PAWR: variants seen among roughly 807,000 people sequenced by gnomAD.
PAWR encodes the protein PRKC apoptosis WT1 regulator protein.
PAWR carries 23 observed loss-of-function variants against 32.0 expected under a neutral mutation model. That is an observed-to-expected ratio of 0.72 (90% CI 0.52 to 1.02). The LOEUF (loss-of-function observed/expected upper bound fraction) is 1.02, where lower values mean the gene tolerates loss of function less well. Ranked by LOEUF, PAWR falls within the 50% of genes least tolerant of loss-of-function variation. PAWR has a pLI of 0.00. For synonymous variants in PAWR, 226 were observed against 187.1 expected, an observed-to-expected ratio of 1.21 and a Z score of -1.70; for missense variants, 457 against 437.7, an observed-to-expected ratio of 1.04 and a Z score of -0.39.
intron 4 of PAWR, among the ~76,000 whole-genome samples, chr12:79,612,788 A>G (rs1451457578): frequency 6.6e-6 from 1 of 152,168 alleles, no homozygotes; most frequent in Admixed American, 6.5e-5. Context: ...AACAGGGAAG[A>G]AGGAAGTGAA....
At chr12:79,613,505 C>T (rs1874532457) in intron 4 of PAWR, 70 bp downstream of exon 4, 2 of 765,268 alleles carry the variant, frequency 2.6e-6, no homozygotes, top group Non-Finnish European at 2.2e-6. Flanking sequence ...TTAAATAGTT[C>T]TAGTTAAGTC....
chr12:79,670,872 T>C (rs1487375784), intron 2 of PAWR, among the ~76,000 whole-genome samples: 44 of 150,640 alleles, frequency 2.9e-4, no homozygotes, highest in Non-Finnish European at 3.0e-5. Flanking sequence ...ACTTTTTTTT[T>C]AGGGGTTTTT....
chr12:79,658,391 T>G (rs151069723), intron 2 of PAWR, among the ~76,000 whole-genome samples: 1 of 152,292 alleles, frequency 6.6e-6, no homozygotes, highest in African/African-American at 2.4e-5. Flanking sequence ...ACTAAATACT[T>G]GAAATTCTTC....
At chr12:79,644,481 G>A (rs1876477672) in intron 2 of PAWR, among the ~76,000 whole-genome samples, 1 of 152,060 alleles carries the variant, frequency 6.6e-6, no homozygotes, top group African/African-American at 2.4e-5. Flanking sequence ...GATTTAAATA[G>A]GACACTAGAA....
intron 2 of PAWR, among the ~76,000 whole-genome samples, chr12:79,647,789 T>C (rs1050578366): frequency 8.5e-5 from 13 of 152,222 alleles, no homozygotes; most frequent in African/African-American, 3.1e-4. Flanking sequence ...AAAAATCCCT[T>C]TGATAACCAA....
chr12:79,652,758 C>A (rs1310240164), intron 2 of PAWR, among the ~76,000 whole-genome samples: 1 of 152,122 alleles, frequency 6.6e-6, no homozygotes, highest in African/African-American at 2.4e-5. Flanking sequence ...GGGAGTGAAA[C>A]CTGGCTTATA....
chr12:79,669,314 C>G (rs1877768425), intron 2 of PAWR, among the ~76,000 whole-genome samples: 1 of 152,074 alleles, frequency 6.6e-6, no homozygotes, highest in Admixed American at 6.5e-5. Context: ...CAGAACTTTC[C>G]CTGCATGGAG....
rs777271598 is a variant in PAWR, at chr12:79,621,139, T to C, written c.585A>G (p.Gln195=). 5 of 1,609,110 alleles carry C rather than the reference T, an allele frequency of 3.1e-6. No individual in the cohort carries two copies. Among genetic ancestry groups the C allele is most frequent in the Admixed American group, 1.7e-5 (1 of 59,988 alleles). The change falls in exon 3 of 7, where the codon CAA becomes CAG. Residue 195 remains glutamine, a synonymous_variant. Transcript: ENST00000328827. The part of the protein sequence containing the change: ...KERKREDAIT[Q]QNTIQNEAVN... ...CAGCTTCATTCTGAATAGTGTTCTG[T>C]TGTGTAATTGCATCTTCTCGTTTCC... is the stretch of plus-strand genomic sequence containing the variant.
At position 79,660,889 on chromosome 12, in the gene PAWR, AT is replaced by A. The variant is rs796638608; in HGVS notation, c.516+28839del. Among the ~76,000 whole-genome samples the A allele has an allele frequency of 2.4e-3, 362 of 150,818 alleles. 2 individuals carry two copies. Among genetic ancestry groups the A allele is most frequent in the African/African-American group, 7.9e-3 (326 of 41,134 alleles). On this transcript the variant is annotated intron_variant, in intron 2 of 6. Coordinates refer to ENST00000328827, the MANE Select transcript of PAWR (RefSeq NM_002583.4). ...GAGAGCCATTGCGGCCAGCCACTGT[AT>A]TTTTTTTTAAAGTATATAATTATAT...
intron 2 of PAWR, among the ~76,000 whole-genome samples, chr12:79,664,217 G>A (rs776577590): frequency 1.1e-4 from 17 of 152,060 alleles, no homozygotes; most frequent in Admixed American, 2.6e-4. Flanking sequence ...GGTTGAGACT[G>A]CAACTAGACC....
intron 2 of PAWR, among the ~76,000 whole-genome samples, chr12:79,631,328 G>A (rs751721017): frequency 8.6e-5 from 13 of 151,924 alleles, no homozygotes; most frequent in African/African-American, 1.7e-4. Context: ...AGGACAATAA[G>A]GTAAGCATAA....
chr12:79,677,362 T>C (rs2136870499), intron 2 of PAWR, among the ~76,000 whole-genome samples: 1 of 152,284 alleles, frequency 6.6e-6, no homozygotes, highest in South Asian at 2.1e-4. Context: ...AGTACTAGTA[T>C]CACTGGATAG....
intron 2 of PAWR, 143 bp downstream of exon 2, chr12:79,689,585 AC>A (rs1377346217): frequency 3.4e-6 from 3 of 881,008 alleles, no homozygotes; most frequent in Non-Finnish European, 5.0e-6. Context: ...AAACTCCATC[AC>A]CCCCTGCCTG....
intron 2 of PAWR, among the ~76,000 whole-genome samples, chr12:79,681,322 T>C (rs1878437309): frequency 6.6e-6 from 1 of 152,100 alleles, no homozygotes; most frequent in African/African-American, 2.4e-5. Context: ...CAACTGGACA[T>C]GGTGGCTCAT....
intron 4 of PAWR, among the ~76,000 whole-genome samples, chr12:79,607,368 T>A (rs905152917): frequency 6.6e-6 from 1 of 152,160 alleles, no homozygotes; most frequent in African/African-American, 2.4e-5. Flanking sequence ...AAGAAGACTC[T>A]CTTTCTTTAA....
chr12:79,660,527 C>T (rs1016957685), intron 2 of PAWR, among the ~76,000 whole-genome samples: 3 of 151,980 alleles, frequency 2.0e-5, no homozygotes, highest in Non-Finnish European at 4.4e-5. Context: ...AGATCTCTTC[C>T]CTAAACTCCA....
At chr12:79,615,343 G>A (rs1247239911) in intron 3 of PAWR, among the ~76,000 whole-genome samples, 4 of 152,192 alleles carry the variant, frequency 2.6e-5, no homozygotes, top group African/African-American at 4.8e-5. Flanking sequence ...TGACAACTTA[G>A]GGAAATAACT....
At chr12:79,678,139 T>C (rs867863763) in intron 2 of PAWR, among the ~76,000 whole-genome samples, 2 of 152,232 alleles carry the variant, frequency 1.3e-5, no homozygotes, top group Non-Finnish European at 1.5e-5. Flanking sequence ...TTTCACAGTA[T>C]TTTGTGTTGT....
chr12:79,632,801 A>C (rs1394931406), intron 2 of PAWR, among the ~76,000 whole-genome samples: 1 of 152,120 alleles, frequency 6.6e-6, no homozygotes, highest in Non-Finnish European at 1.5e-5. Flanking sequence ...AGTTAACTTC[A>C]GTCCTTTATC....
Sources: gnomAD v4.1 joint callset for allele counts (sites outside exome capture counted in the v4.1 genomes callset) on GRCh38, gnomAD v4.1.1 for gene constraint, MANE v1.5 for transcripts, NCBI Gene and HGNC (gene_info 2026-07-23, HGNC 2026-07-21) for gene names.